Variants in TMEM132D observed in about 807,000 individuals in gnomAD.
The protein encoded by TMEM132D is transmembrane protein 132D, also known as mature OL transmembrane protein.
In TMEM132D, 21 loss-of-function variants were observed where a neutral mutation model predicts 62.3. The ratio of observed to expected loss-of-function variants is 0.34; its 90% CI spans 0.24 to 0.49. The LOEUF (loss-of-function observed/expected upper bound fraction) is 0.49. Among genes scored for constraint, TMEM132D ranks in the 20% least tolerant of loss-of-function variants. The probability of loss-of-function intolerance (pLI) is 0.99; values close to 1 mark genes in which losing one functional copy is unlikely to be tolerated. For missense variants in TMEM132D, 1,346 were observed against 1,402.8 expected (o/e 0.96, Z 0.65); for synonymous variants, 621 against 575.6 (o/e 1.08, Z -1.13).
At chr12:129,863,480 T>A (rs537829465) in intron 1 of TMEM132D, among the ~76,000 whole-genome samples, 1 of 152,322 alleles carries the variant, frequency 6.6e-6, no homozygotes, top group East Asian at 1.9e-4. Flanking sequence ...ATTCTGTTTT[T>A]TCATACACCT....
intron 3 of TMEM132D, among the ~76,000 whole-genome samples, chr12:129,503,574 A>T (rs1211580865): frequency 6.6e-6 from 1 of 152,180 alleles, no homozygotes; most frequent in Non-Finnish European, 1.5e-5. Flanking sequence ...TTAAATCTAG[A>T]ATCTGCAGTC....
At chr12:129,763,680 A>G (rs996599758) in intron 1 of TMEM132D, among the ~76,000 whole-genome samples, 10 of 152,048 alleles carry the variant, frequency 6.6e-5, no homozygotes, top group Non-Finnish European at 8.8e-5. Context: ...AGTTTTCCCA[A>G]TGACTTTATA....
At chr12:129,711,557 A>C (rs7294324) in intron 1 of TMEM132D, among the ~76,000 whole-genome samples, 152,019 of 152,040 alleles carry the variant, frequency 1, 75,999 homozygotes, top group Middle Eastern at 1. Flanking sequence ...GAAACCCCAT[A>C]GCTACTAAAA....
At chr12:129,154,524 A>G (rs1176543343) in intron 5 of TMEM132D, among the ~76,000 whole-genome samples, 1 of 152,170 alleles carries the variant, frequency 6.6e-6, no homozygotes, top group Non-Finnish European at 1.5e-5. Context: ...GAGGTCATTT[A>G]ATGAGTGTTT....
intron 3 of TMEM132D, among the ~76,000 whole-genome samples, chr12:129,456,381 T>C (rs1324549310): frequency 6.6e-6 from 1 of 152,162 alleles, no homozygotes; most frequent in Non-Finnish European, 1.5e-5. Context: ...AGAGAACAGA[T>C]GGAAGTTGAG....
At chr12:129,873,519 A>T (rs1236257105) in intron 1 of TMEM132D, among the ~76,000 whole-genome samples, 3 of 152,238 alleles carry the variant, frequency 2.0e-5, no homozygotes, top group East Asian at 3.9e-4. Flanking sequence ...CAGAATTTTT[A>T]AAATCCCAGT....
At position 129,443,785 on chromosome 12, in the gene TMEM132D, G is replaced by A. The variant is rs1873007885; in HGVS notation, c.1115+87274C>T. On this transcript the variant is annotated intron_variant, in intron 3 of 8. Coordinates refer to ENST00000422113, the MANE Select transcript of TMEM132D (RefSeq NM_133448.3). ...GTGTGTCCTTCTCAGATCTGAATAT[G>A]AGTGTGCAAGCCAGGCCTGATCAAT... Among the ~76,000 whole-genome samples the A allele has an allele frequency of 2.6e-5, 4 of 152,178 alleles. No individual in the cohort carries two copies. The South Asian group carries it at 8.3e-4, about 31-fold the overall frequency.
chr12:129,164,941 A>G (rs1877501934), intron 5 of TMEM132D, among the ~76,000 whole-genome samples: 1 of 152,216 alleles, frequency 6.6e-6, no homozygotes, highest in African/African-American at 2.4e-5. Flanking sequence ...TTGCATATAG[A>G]ACATTCATAC....
intron 4 of TMEM132D, among the ~76,000 whole-genome samples, chr12:129,273,624 G>C (rs1190419271): frequency 6.6e-6 from 1 of 151,802 alleles, no homozygotes. Flanking sequence ...CAGCCACATG[G>C]ATGCAGCTGG....
intron 1 of TMEM132D, among the ~76,000 whole-genome samples, chr12:129,771,796 C>T (rs999197710): frequency 1.3e-5 from 2 of 152,192 alleles, no homozygotes; most frequent in Admixed American, 6.5e-5. Context: ...TCAGGTAAAC[C>T]TGTCAATCAT....
At chr12:129,259,640 C>G (rs145675631) in intron 4 of TMEM132D, among the ~76,000 whole-genome samples, 1 of 151,894 alleles carries the variant, frequency 6.6e-6, no homozygotes, top group Non-Finnish European at 1.5e-5. Context: ...GAGCTGGGAG[C>G]GAGGTAGGAG....
intron 5 of TMEM132D, among the ~76,000 whole-genome samples, chr12:129,086,682 A>C (rs1874632193): frequency 8.1e-6 from 1 of 123,210 alleles, no homozygotes; most frequent in African/African-American, 3.3e-5. Flanking sequence ...ATATAATACA[A>C]ATTTGTATCA....
At chr12:129,474,366 A>G (rs1474819326) in intron 3 of TMEM132D, among the ~76,000 whole-genome samples, 2 of 152,204 alleles carry the variant, frequency 1.3e-5, no homozygotes, top group East Asian at 1.9e-4. Context: ...ACATCAACCC[A>G]TTAACTGGGT....
intron 4 of TMEM132D, among the ~76,000 whole-genome samples, chr12:129,236,128 G>C (rs1348286167): frequency 2.3e-5 from 3 of 132,938 alleles, no homozygotes; most frequent in African/African-American, 8.7e-5. Flanking sequence ...GTGTGTGTGT[G>C]TGTGTGTATG....
At chr12:129,489,032 G>A (rs535484549) in intron 3 of TMEM132D, among the ~76,000 whole-genome samples, 10 of 152,170 alleles carry the variant, frequency 6.6e-5, no homozygotes, top group South Asian at 4.2e-4. Context: ...GTCAATAGTC[G>A]TCAATAGCCA....
At chr12:129,298,903 T>C (rs1256895983) in intron 4 of TMEM132D, among the ~76,000 whole-genome samples, 1 of 152,202 alleles carries the variant, frequency 6.6e-6, no homozygotes, top group Non-Finnish European at 1.5e-5. Flanking sequence ...GTGCTGACGA[T>C]AAACCTCCTC....
intron 5 of TMEM132D, among the ~76,000 whole-genome samples, chr12:129,141,086 T>C (rs1947603859): frequency 6.6e-6 from 1 of 152,198 alleles, no homozygotes; most frequent in South Asian, 2.1e-4. Context: ...TTAAGTTGCA[T>C]CATTCATATA....
chr12:129,250,110 A>C (rs1338546122), intron 4 of TMEM132D, among the ~76,000 whole-genome samples: 1 of 152,144 alleles, frequency 6.6e-6, no homozygotes, highest in Non-Finnish European at 1.5e-5. Flanking sequence ...TCAAGGAGAC[A>C]GCAATGGAGA....
At chr12:129,798,198 C>A (rs1212697927) in intron 1 of TMEM132D, among the ~76,000 whole-genome samples, 1 of 152,154 alleles carries the variant, frequency 6.6e-6, no homozygotes, top group Non-Finnish European at 1.5e-5. Flanking sequence ...GCCTACAGAA[C>A]CGTGAGCCAA....
Sources: allele counts gnomAD v4.1 joint callset (sites outside exome capture counted in the v4.1 genomes callset), GRCh38; gene constraint gnomAD v4.1.1; transcripts MANE v1.5; gene names NCBI Gene and HGNC (gene_info 2026-07-23, HGNC 2026-07-21).